The following ABHD12 variants were observed in gnomAD, a reference collection of about 807,000 sequenced individuals.
The protein encoded by ABHD12 is abhydrolase domain containing 12, lysophospholipase.
In ABHD12, 43 loss-of-function variants were observed where a neutral mutation model predicts 58.3. The ratio of observed to expected loss-of-function variants is 0.74; its 90% CI spans 0.58 to 0.95. The LOEUF is 0.95. ABHD12 is among the 40% of genes least tolerant of loss of function. The probability of loss-of-function intolerance (pLI) is 0.00; values close to 1 mark genes in which losing one functional copy is unlikely to be tolerated. For missense variants in ABHD12, 539 were observed against 537.2 expected (o/e 1.00, Z -0.03); for synonymous variants, 219 against 211.2 (o/e 1.04, Z -0.32).
In ABHD12 at chr20:25,382,941, G is replaced by T. The variant is rs192723887; in HGVS notation, c.191+7572C>A. ...AAGAGGAAAACCAGTACCAGTTGAG[G>T]GGGGGGGCCAGCTATGGCGCCATAA... On this transcript the variant is annotated intron_variant, in intron 1 of 12. Transcript: ENST00000339157. Among the ~76,000 whole-genome samples the T allele has an allele frequency of 5.4e-5, 8 of 147,792 alleles. No homozygotes were observed. In the East Asian group the frequency reaches 5.8e-4, roughly 11 times the overall value.
downstream of ABHD12, chr20:25,296,574 G>A (rs1202598439): frequency 6.4e-7 from 1 of 1,567,342 alleles, no homozygotes; most frequent in Admixed American, 1.8e-5. Flanking sequence ...TGCTGACTTT[G>A]CACCTCCTTT....
intron 1 of ABHD12, among the ~76,000 whole-genome samples, chr20:25,376,434 T>G (rs1031639275): frequency 6.6e-6 from 1 of 152,204 alleles, no homozygotes; most frequent in African/African-American, 2.4e-5. Flanking sequence ...AGTCCATAAA[T>G]GTCTCTTTGT....
At position 25,369,289 on chromosome 20, in the gene ABHD12, A is replaced by C. The variant is rs148488924; in HGVS notation, c.191+21224T>G. Among the ~76,000 whole-genome samples, 182 of 152,232 alleles carry C rather than the reference A, an allele frequency of 1.2e-3. 1 individual carries two copies. Among genetic ancestry groups the C allele is most frequent in the African/African-American group, 4.2e-3 (174 of 41,546 alleles). ...TCTTCGAGTTCTAGGCCCATTTTTG[A>C]ATTGGTGTTTTGTTGCGGAGTTTTA... On this transcript the variant is annotated intron_variant, in intron 1 of 12. Transcript: ENST00000339157.
At chr20:25,348,717 G>C (rs1175303032) in intron 1 of ABHD12, among the ~76,000 whole-genome samples, 1 of 152,116 alleles carries the variant, frequency 6.6e-6, no homozygotes, top group Non-Finnish European at 1.5e-5. Flanking sequence ...ATTAGACAAA[G>C]CTATCAAAGA....
At chr20:25,383,640 G>A (rs2090048507) in intron 1 of ABHD12, among the ~76,000 whole-genome samples, 1 of 152,168 alleles carries the variant, frequency 6.6e-6, no homozygotes, top group Non-Finnish European at 1.5e-5. Context: ...CCAATATGGT[G>A]AAACCCCGTC....
chr20:25,320,146 C>T (rs867259182), intron 4 of ABHD12, 53 bp downstream of exon 4: 1 of 1,609,396 alleles, frequency 6.2e-7, no homozygotes, highest in Non-Finnish European at 8.5e-7. Flanking sequence ...GACATTCCCA[C>T]CCCAAAAAGG....
chr20:25,328,706 G>A (rs182928915), intron 2 of ABHD12, among the ~76,000 whole-genome samples: 1 of 152,292 alleles, frequency 6.6e-6, no homozygotes, highest in Non-Finnish European at 1.5e-5. Flanking sequence ...TTCTACTCCA[G>A]GATGGCCTCA....
At position 25,388,912 on chromosome 20, in the gene ABHD12, C is replaced by G. The variant is rs2090132209; in HGVS notation, c.191+1601G>C. ...CTCCGCCTCCCAGATTCAAGCGATT[C>G]TCCCGCCTCAGCCTCCCGAGTAGCT... On this transcript the variant is annotated intron_variant, in intron 1 of 12. Coordinates refer to ENST00000339157, the MANE Select transcript of ABHD12 (RefSeq NM_001042472.3). 3.3e-5 allele frequency among the ~76,000 whole-genome samples: 5 copies of G among 149,962 alleles called. 1 individual carries two copies. The highest frequency in any genetic ancestry group is 1.2e-4 in the African/African-American group (5 of 40,958).
At chr20:25,354,973 T>G (rs942170869) in intron 1 of ABHD12, among the ~76,000 whole-genome samples, 1 of 152,188 alleles carries the variant, frequency 6.6e-6, no homozygotes, top group African/African-American at 2.4e-5. Context: ...CAAGCATAAT[T>G]AGACTACTTT....
chr20:25,312,434 G>A (rs1476823987), intron 6 of ABHD12, among the ~76,000 whole-genome samples: 1 of 150,626 alleles, frequency 6.6e-6, no homozygotes, highest in Non-Finnish European at 1.5e-5. Flanking sequence ...GCCAGCATCG[G>A]CCTCCACAGG....
At position 25,390,337 on chromosome 20, in the gene ABHD12, G is replaced by C. The variant is rs111921789; in HGVS notation, c.191+176C>G. The stretch of plus-strand genomic sequence containing the variant: ...CGCCGCGGTGCCTGGGGAAGGGAGC[G>C]GGGGTGGGGCTGCCGCGGGCCAAAT... On this transcript the variant is annotated intron_variant, in intron 1 of 12. Transcript: ENST00000339157. 6.4e-3 allele frequency among the ~76,000 whole-genome samples: 967 copies of C among 152,232 alleles called. 17 individuals are homozygous for C. Among genetic ancestry groups the C allele is most frequent in the African/African-American group, 0.022 (916 of 41,548 alleles).
chr20:25,322,389 T>A (rs1401705543), intron 3 of ABHD12, among the ~76,000 whole-genome samples: 11 of 50,372 alleles, frequency 2.2e-4, no homozygotes, highest in South Asian at 6.2e-4. Context: ...ATATTTTTTT[T>A]TTTTTTTGAG....
intron 1 of ABHD12, among the ~76,000 whole-genome samples, chr20:25,359,423 CA>C (rs565367954): frequency 3.8e-4 from 24 of 63,116 alleles, no homozygotes; most frequent in East Asian, 1.0e-3. Context: ...GACTCCGTCT[CA>C]AAAAAAAAAA....
At chr20:25,315,661 C>T (rs2088947650) in intron 5 of ABHD12, among the ~76,000 whole-genome samples, 1 of 152,174 alleles carries the variant, frequency 6.6e-6, no homozygotes, top group Non-Finnish European at 1.5e-5. Context: ...AGGCTATAAC[C>T]AGAGCCAACC....
intron 1 of ABHD12, among the ~76,000 whole-genome samples, chr20:25,382,061 C>T (rs562124638): frequency 3.9e-5 from 6 of 152,238 alleles, no homozygotes; most frequent in Non-Finnish European, 5.9e-5. Flanking sequence ...CACACCTGGG[C>T]CTCACCACAA....
chr20:25,355,613 C>G (rs146320187), intron 1 of ABHD12, among the ~76,000 whole-genome samples: 1,904 of 152,226 alleles, frequency 0.013, 42 homozygotes, highest in African/African-American at 0.043. Flanking sequence ...GGCTGGAGTG[C>G]AGTGGCACGA....
At chr20:25,314,798 C>CT in intron 6 of ABHD12, 127 bp downstream of exon 6, 1 of 1,060,004 alleles carries the variant, frequency 9.4e-7, no homozygotes. Flanking sequence ...GGACCCAGGA[C>CT]ACCATCACAG....
intron 6 of ABHD12, among the ~76,000 whole-genome samples, chr20:25,312,468 CG>C (rs35478308): frequency 0.55 from 83,404 of 151,850 alleles, 23,498 homozygotes; most frequent in Admixed American, 0.61. Flanking sequence ...GACGGAGTCT[CG>C]TTCACTCAGT....
chr20:25,322,381 A>ATATATATTTTTTTTTT lies in ABHD12; in HGVS notation c.422+943_422+944insAAAAAAAAAATATATA. Among the ~76,000 whole-genome samples, 38 of 59,264 alleles carry ATATATATTTTTTTTTT rather than the reference A, an allele frequency of 6.4e-4. 1 individual carries two copies. Among genetic ancestry groups the ATATATATTTTTTTTTT allele is most frequent in the African/African-American group, 2.8e-3 (34 of 12,096 alleles). The allele number at this position is 59,264 out of a possible 152,430, so 38.9% of individuals were successfully genotyped here. A position where few individuals can be genotyped will look rare whatever the true frequency, so the allele number is the denominator to read the frequency against. ...GGAAAAGATATATATATATATATAT[A>ATATATATTTTTTTTTT]TTTTTTTTTTTTTTTGAGACAAGAG... On this transcript the variant is annotated intron_variant, in intron 3 of 12. Transcript: ENST00000339157.
Sources: allele counts gnomAD v4.1 joint callset (sites outside exome capture counted in the v4.1 genomes callset), GRCh38; gene constraint gnomAD v4.1.1; transcripts MANE v1.5; gene names NCBI Gene and HGNC (gene_info 2026-07-23, HGNC 2026-07-21).